Variants in NCKAP5 observed in about 807,000 individuals in gnomAD.
The protein encoded by NCKAP5 is NCK associated protein 5.
A neutral mutation model predicts 167.0 loss-of-function variants in NCKAP5; 92 were observed. The observed-to-expected ratio is 0.55, with a 90% CI of 0.47 to 0.66. The LOEUF (loss-of-function observed/expected upper bound fraction) is 0.66, where lower values mean the gene tolerates loss of function less well. NCKAP5 is among the 30% of genes least tolerant of loss of function. The pLI, the probability that NCKAP5 is intolerant of heterozygous loss-of-function variation, is 0.00. For missense variants in NCKAP5, 2,378 were observed against 2,315.0 expected, an observed-to-expected ratio of 1.03 and a Z score of -0.56; for synonymous variants, 891 against 877.4, an observed-to-expected ratio of 1.02 and a Z score of -0.27.
At chr2:133,386,917 C>G (rs1356594922) in intron 3 of NCKAP5, among the ~76,000 whole-genome samples, 1 of 152,106 alleles carries the variant, frequency 6.6e-6, no homozygotes, top group African/African-American at 2.4e-5. Flanking sequence ...TCCTCCATCC[C>G]TTTATTTTGA....
At chr2:132,836,593 G>A (rs958878920) in intron 11 of NCKAP5, among the ~76,000 whole-genome samples, 5 of 151,812 alleles carry the variant, frequency 3.3e-5, no homozygotes, top group African/African-American at 1.2e-4. Context: ...GTGGTATTTG[G>A]TTACGTAAGT....
intron 5 of NCKAP5, among the ~76,000 whole-genome samples, chr2:133,196,031 A>T (rs895318382): frequency 6.6e-6 from 1 of 152,162 alleles, no homozygotes; most frequent in Non-Finnish European, 1.5e-5. Context: ...TCTGGGTAAA[A>T]CGATGGACAG....
At chr2:132,836,364 G>A (rs552898790) in intron 11 of NCKAP5, among the ~76,000 whole-genome samples, 42 of 151,660 alleles carry the variant, frequency 2.8e-4, no homozygotes, top group East Asian at 1.5e-3. Flanking sequence ...ACTAAATGGC[G>A]CACTCCATGA....
chr2:133,120,842 T>C (rs1478649441), intron 6 of NCKAP5, among the ~76,000 whole-genome samples: 2 of 152,214 alleles, frequency 1.3e-5, no homozygotes, highest in Non-Finnish European at 2.9e-5. Flanking sequence ...AGCAAATTTC[T>C]GTCATAAACA....
At chr2:132,744,290 A>C (rs530362402) in intron 16 of NCKAP5, among the ~76,000 whole-genome samples, 1 of 151,862 alleles carries the variant, frequency 6.6e-6, no homozygotes, top group African/African-American at 2.4e-5. Context: ...AAGAAGTCTT[A>C]GAAAATTTAA....
chr2:133,317,076 G>T (rs1681658894), intron 3 of NCKAP5, among the ~76,000 whole-genome samples: 1 of 152,178 alleles, frequency 6.6e-6, no homozygotes. Context: ...AAAGGATGGA[G>T]CGCCTGAAGA....
chr2:133,039,973 T>C (rs1455527673), intron 6 of NCKAP5, among the ~76,000 whole-genome samples: 2 of 152,228 alleles, frequency 1.3e-5, no homozygotes, highest in African/African-American at 4.8e-5. Context: ...TTTAAACATA[T>C]CCTTCATTTG....
the NCKAP5 span, among the ~76,000 whole-genome samples, chr2:133,674,751 T>C: frequency 7.9e-5 from 12 of 152,236 alleles, no homozygotes; most frequent in South Asian, 2.5e-3. Context: ...TCGATCAATG[T>C]TCTAATGCTA....
the NCKAP5 span, among the ~76,000 whole-genome samples, chr2:133,667,585 G>T: frequency 2.0e-5 from 3 of 151,986 alleles, no homozygotes; most frequent in African/African-American, 7.3e-5. Context: ...TGATCCAAAG[G>T]TATGTTGGTC....
intron 6 of NCKAP5, among the ~76,000 whole-genome samples, chr2:133,076,635 G>A (rs986585944): frequency 6.6e-6 from 1 of 152,198 alleles, no homozygotes; most frequent in Non-Finnish European, 1.5e-5. Context: ...GAGGTGGGCA[G>A]CCCCAGGCTG....
intron 6 of NCKAP5, among the ~76,000 whole-genome samples, chr2:133,102,125 CTTT>C (rs945993080): frequency 8.4e-5 from 12 of 143,008 alleles, no homozygotes; most frequent in African/African-American, 3.0e-4. Flanking sequence ...CTGATTTTTT[CTTT>C]TTTTCTTTGT....
intron 5 of NCKAP5, among the ~76,000 whole-genome samples, chr2:133,153,558 A>G (rs2083455769): frequency 6.6e-6 from 1 of 152,306 alleles, no homozygotes; most frequent in South Asian, 2.1e-4. Flanking sequence ...AGGTTAATCC[A>G]GGGATCACAA....
chr2:133,044,046 A>G (rs567810516), intron 6 of NCKAP5, among the ~76,000 whole-genome samples: 4 of 152,298 alleles, frequency 2.6e-5, no homozygotes, highest in Admixed American at 1.3e-4. Context: ...TGAAAACTTG[A>G]TATGTGATGT....
intron 7 of NCKAP5, among the ~76,000 whole-genome samples, chr2:132,993,541 A>T (rs2077505123): frequency 6.6e-6 from 1 of 152,164 alleles, no homozygotes. Flanking sequence ...GCAAGGCCAG[A>T]CCCAGGAGGA....
At chr2:133,327,105 A>G (rs1284852688) in intron 3 of NCKAP5, among the ~76,000 whole-genome samples, 2 of 152,182 alleles carry the variant, frequency 1.3e-5, no homozygotes, top group Non-Finnish European at 2.9e-5. Flanking sequence ...ATCTTCAGAA[A>G]AGGGACTTTG....
At chr2:133,326,614 T>C (rs145719813) in intron 3 of NCKAP5, among the ~76,000 whole-genome samples, 2 of 151,844 alleles carry the variant, frequency 1.3e-5, no homozygotes, top group African/African-American at 4.8e-5. Flanking sequence ...TGAAATGCTT[T>C]GCAGAAACCT....
chr2:133,393,294 T>C (rs987670616), intron 3 of NCKAP5, among the ~76,000 whole-genome samples: 1 of 152,212 alleles, frequency 6.6e-6, no homozygotes, highest in African/African-American at 2.4e-5. Flanking sequence ...ACTTGTTTGT[T>C]CTGCCACTTC....
intron 3 of NCKAP5, among the ~76,000 whole-genome samples, chr2:133,476,663 A>C (rs1242856338): frequency 6.6e-6 from 1 of 152,252 alleles, no homozygotes; most frequent in African/African-American, 2.4e-5. Context: ...TTTTAAAAGA[A>C]AGAAATTAGG....
At chr2:132,874,329 C>G (rs190638583) in intron 9 of NCKAP5, among the ~76,000 whole-genome samples, 2 of 152,128 alleles carry the variant, frequency 1.3e-5, no homozygotes, top group East Asian at 3.9e-4. Flanking sequence ...AGGCTGGTCT[C>G]GCACTCCTGA....
Sources: gnomAD v4.1 joint callset for allele counts (sites outside exome capture counted in the v4.1 genomes callset) on GRCh38, gnomAD v4.1.1 for gene constraint, MANE v1.5 for transcripts, NCBI Gene and HGNC (gene_info 2026-07-23, HGNC 2026-07-21) for gene names.